Variants in TGS1 observed in about 807,000 individuals in gnomAD.
TGS1 encodes the protein trimethylguanosine synthase 1, also known as trimethylguanosine synthase.
A neutral mutation model predicts 92.2 loss-of-function variants in TGS1; 69 were observed. That is an observed-to-expected ratio of 0.75 (90% CI 0.62 to 0.91). The LOEUF (loss-of-function observed/expected upper bound fraction) is 0.91, where lower values mean the gene tolerates loss of function less well. TGS1 is among the 40% of genes least tolerant of loss of function. TGS1 has a pLI of 0.00. For missense variants in TGS1, 1,062 were observed against 1,001.2 expected (o/e 1.06, Z -0.82); for synonymous variants, 345 against 338.1 (o/e 1.02, Z -0.22).
rs890604241 is a variant in TGS1 at position 55,825,225 on chromosome 8, C to G, written c.*522C>G. Reference sequence around the variant, plus strand: ...GCGTGAGCTACTGTGCCCAGCCTTACGGACATCCTTTTGAATTATCTTTTT... The same window carrying G: ...GCGTGAGCTACTGTGCCCAGCCTTAGGGACATCCTTTTGAATTATCTTTTT... On this transcript the variant is annotated 3_prime_UTR_variant, in exon 13 of 13. Transcript: ENST00000260129. 6.6e-6 allele frequency: 1 copy of G among 152,172 alleles called. No homozygotes were observed. The highest frequency in any genetic ancestry group is 1.5e-5 in the Non-Finnish European group (1 of 68,092). 9.4% of individuals were successfully genotyped at this position (152,172 alleles called of 1,614,324 possible). A position where few individuals can be genotyped will look rare whatever the true frequency, so the allele number is the denominator to read the frequency against.
At chr8:55,817,941 C>G (rs766416752) in intron 12 of TGS1, among the ~76,000 whole-genome samples, 1 of 152,208 alleles carries the variant, frequency 6.6e-6, no homozygotes, top group Non-Finnish European at 1.5e-5. Context: ...ACAGTGTCCT[C>G]TTAGCCATTT....
At chr8:55,799,264 A>AT (rs369256016) in intron 8 of TGS1, 44 bp downstream of exon 8, 2 of 1,523,292 alleles carry the variant, frequency 1.3e-6, no homozygotes, top group African/African-American at 1.4e-5. Flanking sequence ...TTTAGATAAA[A>AT]TTTTTTTTGT....
intron 9 of TGS1, among the ~76,000 whole-genome samples, chr8:55,803,895 G>T (rs917489879): frequency 1.3e-5 from 2 of 151,756 alleles, no homozygotes; most frequent in East Asian, 3.9e-4. Flanking sequence ...TGTTGCCCAG[G>T]CTGCTCTCAA....
chr8:55,795,279 A>G (rs1426097981), intron 6 of TGS1, among the ~76,000 whole-genome samples: 1 of 152,220 alleles, frequency 6.6e-6, no homozygotes, highest in Non-Finnish European at 1.5e-5. Flanking sequence ...TTAAAAGAGA[A>G]GGATAAAATA....
At chr8:55,787,863 GCATA>G (rs1811762686) in intron 4 of TGS1, among the ~76,000 whole-genome samples, 1 of 152,194 alleles carries the variant, frequency 6.6e-6, no homozygotes, top group South Asian at 2.1e-4. Context: ...GGTGAAAGGG[GCATA>G]GGCATGCCAC....
At chr8:55,811,199 A>G (rs1271260324) in intron 11 of TGS1, 102 bp downstream of exon 11, 1 of 822,100 alleles carries the variant, frequency 1.2e-6, no homozygotes, top group Admixed American at 2.5e-5. Context: ...AGGGTGGCTC[A>G]CATTTGTAAT....
intron 12 of TGS1, among the ~76,000 whole-genome samples, chr8:55,817,961 A>G (rs1477809241): frequency 6.6e-6 from 1 of 152,206 alleles, no homozygotes; most frequent in African/African-American, 2.4e-5. Context: ...TCATTGACTC[A>G]TCATGACATT....
At chr8:55,801,566 G>A (rs868160507) in intron 8 of TGS1, among the ~76,000 whole-genome samples, 12 of 125,578 alleles carry the variant, frequency 9.6e-5, no homozygotes, top group East Asian at 5.0e-4. Flanking sequence ...GAACCACTGC[G>A]CCCAGCCCCA....
rs1303971317 is a variant in TGS1 at position 55,811,064 on chromosome 8, C to A, written c.2327C>A (p.Thr776Asn). 1.2e-6 allele frequency: 2 copies of A among 1,613,918 alleles called. No individual in the cohort carries two copies. The highest frequency in any genetic ancestry group is 1.7e-5 in the Admixed American group (1 of 59,980). Reference sequence around the variant, plus strand: ...GGGCCAGACTATGCCACTGCAGAGACCTTTGACATTAGAACAATGATGTCT... The same window carrying A: ...GGGCCAGACTATGCCACTGCAGAGAACTTTGACATTAGAACAATGATGTCT... ...WGGPDYATAE[T>N]FDIRTMMSPD... is the part of the protein sequence containing the mutation. Residue 776 changes from threonine (T) to asparagine (N), a missense_variant, in exon 11 of 13, where the codon ACC becomes AAC. Coordinates refer to ENST00000260129, the MANE Select transcript of TGS1 (RefSeq NM_024831.8).
intron 12 of TGS1, among the ~76,000 whole-genome samples, 198 bp downstream of exon 12, chr8:55,813,316 A>AC (rs1361226028): frequency 2.0e-5 from 3 of 152,238 alleles, no homozygotes; most frequent in Non-Finnish European, 4.4e-5. Context: ...CTCCTGGCAT[A>AC]CATAGACACA....
intron 1 of TGS1, among the ~76,000 whole-genome samples, chr8:55,780,078 A>G (rs1049889164): frequency 6.6e-6 from 1 of 151,850 alleles, no homozygotes; most frequent in Non-Finnish European, 1.5e-5. Flanking sequence ...ACTGGTCTCA[A>G]ATTCCTAGCC....
intron 2 of TGS1, 26 bp from the exon 3 acceptor site, chr8:55,785,693 A>G (rs1811687509): frequency 6.8e-7 from 1 of 1,478,370 alleles, no homozygotes; most frequent in Non-Finnish European, 9.0e-7. Context: ...TTTCCTTAAA[A>G]CTAAGCTAAT....
intron 2 of TGS1, among the ~76,000 whole-genome samples, chr8:55,785,218 G>A (rs1811674484): frequency 6.6e-6 from 1 of 151,166 alleles, no homozygotes; most frequent in Admixed American, 6.6e-5. Context: ...CCTGGGCCCA[G>A]CTAATTTTTA....
chr8:55,809,904 T>G (rs1402748542), intron 10 of TGS1, among the ~76,000 whole-genome samples: 2 of 152,244 alleles, frequency 1.3e-5, no homozygotes, highest in African/African-American at 4.8e-5. Flanking sequence ...TTTCCATCTG[T>G]CTCTGAACTA....
At chr8:55,788,118 A>T (rs1034096930) in intron 4 of TGS1, among the ~76,000 whole-genome samples, 1 of 152,364 alleles carries the variant, frequency 6.6e-6, no homozygotes, top group Admixed American at 6.5e-5. Context: ...GCTTCTGCCA[A>T]TTAACAGCAC....
intron 7 of TGS1, among the ~76,000 whole-genome samples, chr8:55,796,988 C>CAA (rs141026808): frequency 6.9e-6 from 1 of 144,696 alleles, no homozygotes; most frequent in African/African-American, 2.5e-5. Flanking sequence ...AAGACTGTCT[C>CAA]AAAAAAAAAA....
intron 12 of TGS1, among the ~76,000 whole-genome samples, chr8:55,815,122 A>C (rs1238623892): frequency 6.6e-6 from 1 of 152,220 alleles, no homozygotes; most frequent in African/African-American, 2.4e-5. Context: ...ACTGTTTATC[A>C]TGCAATTTAT....
At chr8:55,806,659 A>C (rs1812381854) in intron 10 of TGS1, among the ~76,000 whole-genome samples, 1 of 152,108 alleles carries the variant, frequency 6.6e-6, no homozygotes, top group African/African-American at 2.4e-5. Context: ...CTTAAGGGCC[A>C]ACTATATGTA....
intron 9 of TGS1, among the ~76,000 whole-genome samples, chr8:55,804,373 G>A (rs1285208587): frequency 6.6e-6 from 1 of 152,170 alleles, no homozygotes; most frequent in African/African-American, 2.4e-5. Context: ...CCCAGGAGGC[G>A]GAAGTTGCAA....
Sources: allele counts gnomAD v4.1 joint callset (sites outside exome capture counted in the v4.1 genomes callset), GRCh38; gene constraint gnomAD v4.1.1; transcripts MANE v1.5; gene names NCBI Gene and HGNC (gene_info 2026-07-23, HGNC 2026-07-21).